Variants in DSE observed in about 807,000 individuals in gnomAD.
DSE encodes the protein dermatan-sulfate epimerase.
DSE carries 36 observed loss-of-function variants against 84.4 expected under a neutral mutation model. The ratio of observed to expected loss-of-function variants is 0.43; its 90% CI spans 0.33 to 0.56. The LOEUF is 0.56. DSE is among the 20% of genes least tolerant of loss of function. The pLI, the probability that DSE is intolerant of heterozygous loss-of-function variation, is 0.06. For missense variants in DSE, 862 were observed against 1,169.6 expected (o/e 0.74, Z 3.84); for synonymous variants, 410 against 430.1 (o/e 0.95, Z 0.58).
intron 2 of DSE, among the ~76,000 whole-genome samples, chr6:116,322,547 GC>G (rs1014124592): frequency 7.8e-6 from 1 of 128,386 alleles, no homozygotes. Context: ...AATTACTTCT[GC>G]CCCCCCACCC....
intron 5 of DSE, 59 bp from the exon 6 acceptor site, chr6:116,435,528 G>A (rs1039382319): frequency 1.4e-5 from 21 of 1,497,384 alleles, no homozygotes; most frequent in African/African-American, 8.4e-5. Context: ...ACATTACCAT[G>A]TTATGTGTTA....
chr6:116,425,986 A>T (rs1309095623), intron 2 of DSE, among the ~76,000 whole-genome samples: 2 of 152,158 alleles, frequency 1.3e-5, no homozygotes, highest in Non-Finnish European at 2.9e-5. Context: ...GGAAAGAGGG[A>T]TGTAAAAATT....
rs76186865 is a variant in DSE at position 116,399,303 on chromosome 6, G to A, written c.53G>A (p.Cys18Tyr). 2.0e-5 allele frequency: 32 copies of A among 1,613,958 alleles called. No homozygotes were observed. In the South Asian group the frequency reaches 3.5e-4, roughly 18 times the overall value. ...AGTGTGTTTTTCATATATTTGCTTT[G>A]CTTTGTGTCAGCCTACATCACCGAC... ...APSVFFIYLL[C>Y]FVSAYITDEN... is the part of the protein sequence containing the mutation. Residue 18 changes from cysteine to tyrosine, a missense_variant, in exon 2 of 6, where the codon TGC (cysteine) becomes TAC (tyrosine). Coordinates refer to ENST00000644252, the MANE Select transcript of DSE (RefSeq NM_013352.4).
intron 1 of DSE, 52 bp downstream of exon 1, chr6:116,371,173 T>C (rs1779530240): frequency 3.0e-6 from 3 of 985,518 alleles, no homozygotes; most frequent in Non-Finnish European, 2.4e-6. Context: ...CGCAACTTTC[T>C]TCGGGAGTTT....
At chr6:116,356,763 T>C (rs1778595039) in intron 2 of DSE, among the ~76,000 whole-genome samples, 1 of 151,812 alleles carries the variant, frequency 6.6e-6, no homozygotes, top group African/African-American at 2.4e-5. Context: ...CAATGCTAGC[T>C]TCTCCCTCCC....
intron 2 of DSE, among the ~76,000 whole-genome samples, chr6:116,271,998 C>G (rs916883451): frequency 1.3e-5 from 2 of 152,170 alleles, no homozygotes; most frequent in Non-Finnish European, 2.9e-5. Context: ...CTTGAGGCTA[C>G]CATTCCTGGG....
chr6:116,394,340 G>A (rs770965906), intron 1 of DSE, among the ~76,000 whole-genome samples: 7 of 152,118 alleles, frequency 4.6e-5, no homozygotes, highest in Non-Finnish European at 8.8e-5. Context: ...CATAATTCAC[G>A]TGGCTTGGCC....
intron 2 of DSE, among the ~76,000 whole-genome samples, chr6:116,287,884 C>T (rs1774025033): frequency 6.6e-6 from 1 of 152,056 alleles, no homozygotes; most frequent in Non-Finnish European, 1.5e-5. Flanking sequence ...CTAGAGGGAG[C>T]AACTGGTCTT....
chr6:116,330,547 C>T (rs900124615), intron 2 of DSE, among the ~76,000 whole-genome samples: 5 of 151,976 alleles, frequency 3.3e-5, no homozygotes, highest in African/African-American at 1.2e-4. Context: ...CAACTACCAC[C>T]GATTTTGGTA....
intron 1 of DSE, among the ~76,000 whole-genome samples, chr6:116,393,454 T>A (rs533589002): frequency 6.6e-6 from 1 of 152,342 alleles, no homozygotes; most frequent in East Asian, 1.9e-4. Context: ...TTCTTTCAAA[T>A]AAAATATTTT....
intron 2 of DSE, among the ~76,000 whole-genome samples, chr6:116,303,398 G>A (rs1775155661): frequency 6.6e-6 from 1 of 152,004 alleles, no homozygotes; most frequent in African/African-American, 2.4e-5. Context: ...CCTTTCCCCT[G>A]GTTAGATTGT....
At chr6:116,279,919 T>C in intron 2 of DSE, 1 of 1,568,104 alleles carries the variant, frequency 6.4e-7, no homozygotes, top group Non-Finnish European at 8.8e-7. Context: ...CCGCCCACCC[T>C]ACAGTCTCAC....
intron 2 of DSE, among the ~76,000 whole-genome samples, chr6:116,322,090 G>A (rs374001329): frequency 6.9e-5 from 10 of 144,584 alleles, no homozygotes; most frequent in South Asian, 6.3e-4. Context: ...AAGGGGGTGC[G>A]TGTGAGAGGG....
chr6:116,316,066 C>T (rs1169294988), intron 2 of DSE, among the ~76,000 whole-genome samples: 2 of 152,026 alleles, frequency 1.3e-5, no homozygotes, highest in African/African-American at 2.4e-5. Flanking sequence ...AGTTTGGAGT[C>T]ACAATATTTT....
chr6:116,265,577 G>A (rs1227954260), intron 2 of DSE, among the ~76,000 whole-genome samples: 3 of 152,100 alleles, frequency 2.0e-5, no homozygotes, highest in Admixed American at 1.3e-4. Flanking sequence ...GCACATGGCT[G>A]TAGTGGCCAC....
chr6:116,339,050 T>C lies in DSE; in HGVS notation c.-53-60148T>C, dbSNP rs938619989. 2.0e-5 allele frequency among the ~76,000 whole-genome samples: 3 copies of C among 151,850 alleles called. No homozygotes were observed. In the East Asian group the frequency reaches 5.8e-4, roughly 29 times the overall value. ...CTGTATCCATTTACTGGTAACATGCTCCTGTTCAACAGATAAATGAGTTGG... is the reference window on the plus strand; with the variant it reads ...CTGTATCCATTTACTGGTAACATGCCCCTGTTCAACAGATAAATGAGTTGG... On this transcript the variant is annotated intron_variant, in intron 2 of 3. Transcript: ENST00000430252.
chr6:116,347,027 C>G (rs1231104456), intron 2 of DSE, among the ~76,000 whole-genome samples: 1 of 152,136 alleles, frequency 6.6e-6, no homozygotes, highest in Non-Finnish European at 1.5e-5. Context: ...ACAATTGCTT[C>G]AAAGAGAATA....
At chr6:116,363,466 C>G (rs566117802) in intron 2 of DSE, among the ~76,000 whole-genome samples, 1 of 152,122 alleles carries the variant, frequency 6.6e-6, no homozygotes, top group East Asian at 1.9e-4. Context: ...AGAAGCACTG[C>G]TATCAAGTAT....
At chr6:116,355,906 C>T (rs1230665614) in intron 2 of DSE, 1 of 152,178 alleles carries the variant, frequency 6.6e-6, no homozygotes, top group African/African-American at 2.4e-5. Flanking sequence ...AATAACAAGA[C>T]AATTACACTG....
Sources: allele counts gnomAD v4.1 joint callset (sites outside exome capture counted in the v4.1 genomes callset), GRCh38; gene constraint gnomAD v4.1.1; transcripts MANE v1.5; gene names NCBI Gene and HGNC (gene_info 2026-07-23, HGNC 2026-07-21).